The following KCNQ3 variants were observed in gnomAD, a reference collection of about 807,000 sequenced individuals.
KCNQ3 encodes the protein potassium voltage-gated channel subfamily KQT member 3.
Under a neutral mutation model 92.5 loss-of-function variants are expected in KCNQ3, and 30 were observed. The observed-to-expected ratio is 0.32, with a 90% CI of 0.24 to 0.44. The LOEUF (loss-of-function observed/expected upper bound fraction) is 0.44, where lower values mean the gene tolerates loss of function less well. KCNQ3 is among the 20% of genes least tolerant of loss of function. KCNQ3 has a pLI of 1.00. For synonymous variants in KCNQ3, 450 were observed against 468.8 expected (o/e 0.96, Z 0.52); for missense variants, 913 against 1,140.3 (o/e 0.80, Z 2.87).
chr8:132,300,822 C>T (rs1395599300), intron 1 of KCNQ3, among the ~76,000 whole-genome samples: 1 of 152,124 alleles, frequency 6.6e-6, no homozygotes, highest in Non-Finnish European at 1.5e-5. Context: ...CTTGTGGGCT[C>T]ATCTGTAGAG....
At chr8:132,167,335 T>C (rs1826172233) in intron 8 of KCNQ3, among the ~76,000 whole-genome samples, 1 of 152,162 alleles carries the variant, frequency 6.6e-6, no homozygotes, top group African/African-American at 2.4e-5. Flanking sequence ...ATAAAATTGT[T>C]CTAGAATTAG....
intron 1 of KCNQ3, among the ~76,000 whole-genome samples, chr8:132,242,293 G>T (rs1815022866): frequency 6.6e-6 from 1 of 152,172 alleles, no homozygotes; most frequent in Admixed American, 6.5e-5. Context: ...AATTATGGAG[G>T]TGGGGTGGGT....
In KCNQ3 at chr8:132,127,290, A is replaced by C. The variant is rs1016646564; in HGVS notation, c.*1972T>G. On this transcript the variant is annotated 3_prime_UTR_variant, in exon 15 of 15. Transcript: ENST00000388996. ...CAGACTTCAAGGTCTACACCCATCC[A>C]TTTATGGGGCTCTCCATAAAAAACA... 22 of 152,172 alleles carry C rather than the reference A, an allele frequency of 1.4e-4. No homozygotes were observed. Among genetic ancestry groups the C allele is most frequent in the Admixed American group, 7.9e-4 (12 of 15,276 alleles). The allele number at this position is 152,172 out of a possible 1,614,324, so 9.4% of individuals were successfully genotyped here.
intron 1 of KCNQ3, among the ~76,000 whole-genome samples, chr8:132,377,948 C>T (rs1819653856): frequency 1.3e-5 from 2 of 152,080 alleles, no homozygotes; most frequent in Non-Finnish European, 2.9e-5. Context: ...ACAAATAGGG[C>T]CCATCCTTGG....
intron 1 of KCNQ3, chr8:132,186,635 GA>G: frequency 3.3e-6 from 1 of 300,342 alleles, no homozygotes; most frequent in Non-Finnish European, 6.5e-6. Context: ...TCCAAAGATT[GA>G]AAAATTCAGC....
At chr8:132,241,499 C>T (rs1281513881) in intron 1 of KCNQ3, among the ~76,000 whole-genome samples, 2 of 151,980 alleles carry the variant, frequency 1.3e-5, no homozygotes, top group Non-Finnish European at 2.9e-5. Flanking sequence ...CCAGGTTCTC[C>T]TACAGTTATT....
chr8:132,130,065 G>A (rs2130924553), intron 14 of KCNQ3, 69 bp from the exon 15 acceptor site: 8 of 1,470,026 alleles, frequency 5.4e-6, no homozygotes, highest in African/African-American at 1.4e-5. Context: ...TTGGTTGGGA[G>A]GAAATATTCT....
intron 1 of KCNQ3, among the ~76,000 whole-genome samples, chr8:132,447,727 G>A (rs1040605671): frequency 6.6e-6 from 1 of 152,224 alleles, no homozygotes; most frequent in Non-Finnish European, 1.5e-5. Flanking sequence ...CAGAAAGAAC[G>A]AGACTGCCTC....
chr8:132,144,648 T>C (rs1825399288), intron 9 of KCNQ3, among the ~76,000 whole-genome samples: 2 of 152,212 alleles, frequency 1.3e-5, no homozygotes, highest in Admixed American at 6.5e-5. Context: ...ATGGCTCTTG[T>C]CCTGGGCTCC....
chr8:132,312,541 TG>T (rs1043762066), intron 1 of KCNQ3, among the ~76,000 whole-genome samples: 9 of 152,102 alleles, frequency 5.9e-5, no homozygotes, highest in African/African-American at 1.9e-4. Flanking sequence ...ATCAATAGAA[TG>T]GTGATATGGT....
At chr8:132,187,947 G>A (rs796668184) in intron 1 of KCNQ3, among the ~76,000 whole-genome samples, 3 of 143,688 alleles carry the variant, frequency 2.1e-5, no homozygotes, top group African/African-American at 5.3e-5. Context: ...TGGTGGTGGT[G>A]GTGGTTGTGA....
At chr8:132,405,296 C>A (rs1820446823) in intron 1 of KCNQ3, among the ~76,000 whole-genome samples, 1 of 152,186 alleles carries the variant, frequency 6.6e-6, no homozygotes, top group Non-Finnish European at 1.5e-5. Flanking sequence ...ATGGGGGAAG[C>A]AGAGTTTTCC....
At chr8:132,138,357 G>C (rs1372434708) in intron 11 of KCNQ3, among the ~76,000 whole-genome samples, 1 of 152,200 alleles carries the variant, frequency 6.6e-6, no homozygotes, top group Non-Finnish European at 1.5e-5. Context: ...ATGTGATTGT[G>C]ATTTGAACCT....
In KCNQ3 at chr8:132,215,191, C is replaced by T. The variant is rs138982755; in HGVS notation, c.387-29010G>A. On this transcript the variant is annotated intron_variant, in intron 1 of 14. Coordinates refer to ENST00000388996, the MANE Select transcript of KCNQ3 (RefSeq NM_004519.4). The stretch of plus-strand genomic sequence containing the variant: ...TAGCTGTGGGACCTTAGGCCAGTCA[C>T]TTAATCTTTCTGAAACTTAATTCCA... Among the ~76,000 whole-genome samples the T allele has an allele frequency of 1.2e-4, 18 of 152,310 alleles. No individual in the cohort carries two copies. The East Asian group carries it at 3.5e-3, about 29-fold the overall frequency.
intron 3 of KCNQ3, among the ~76,000 whole-genome samples, chr8:132,182,938 A>T (rs1438081595): frequency 2.6e-5 from 4 of 151,928 alleles, no homozygotes; most frequent in Non-Finnish European, 5.9e-5. Flanking sequence ...TACATTCAAA[A>T]TTCTGAGAAA....
chr8:132,313,774 G>C (rs1817665195), intron 1 of KCNQ3, among the ~76,000 whole-genome samples: 1 of 152,098 alleles, frequency 6.6e-6, no homozygotes, highest in East Asian at 1.9e-4. Context: ...AAGAGTTCTG[G>C]CTTTTGCAAA....
chr8:132,415,822 T>A (rs955100966), intron 1 of KCNQ3, among the ~76,000 whole-genome samples: 1 of 152,160 alleles, frequency 6.6e-6, no homozygotes, highest in South Asian at 2.1e-4. Context: ...ATATGCAGCA[T>A]ATCTCTGGCA....
chr8:132,182,347 C>T (rs1168535467), intron 3 of KCNQ3, among the ~76,000 whole-genome samples: 2 of 152,196 alleles, frequency 1.3e-5, no homozygotes, highest in African/African-American at 2.4e-5. Flanking sequence ...TCCGAGGCTG[C>T]CTTGAATATG....
chr8:132,271,910 C>T (rs1816158723), intron 1 of KCNQ3, among the ~76,000 whole-genome samples: 1 of 152,202 alleles, frequency 6.6e-6, no homozygotes, highest in Admixed American at 6.5e-5. Flanking sequence ...CTTAACCTGG[C>T]TGATCCTTTT....
Sources: allele counts gnomAD v4.1 joint callset (sites outside exome capture counted in the v4.1 genomes callset), GRCh38; gene constraint gnomAD v4.1.1; transcripts MANE v1.5; gene names NCBI Gene and HGNC (gene_info 2026-07-23, HGNC 2026-07-21).